Variants in INPP4B observed in about 807,000 individuals in gnomAD.
INPP4B encodes the protein inositol polyphosphate 4-phosphatase type II.
A neutral mutation model predicts 122.5 loss-of-function variants in INPP4B; 55 were observed. The observed-to-expected ratio is 0.45, with a 90% CI of 0.36 to 0.56. The LOEUF (loss-of-function observed/expected upper bound fraction) is 0.56. INPP4B is among the 20% of genes least tolerant of loss of function. INPP4B has a pLI of 0.00. For synonymous variants in INPP4B, 403 were observed against 388.7 expected (o/e 1.04, Z -0.43); for missense variants, 1,000 against 1,097.7 (o/e 0.91, Z 1.26).
At chr4:142,333,800 G>T (rs1373361683) in intron 7 of INPP4B, among the ~76,000 whole-genome samples, 1 of 152,026 alleles carries the variant, frequency 6.6e-6, no homozygotes, top group Admixed American at 6.5e-5. Context: ...TTTGATGTAT[G>T]TATACACTGT....
intron 1 of INPP4B, among the ~76,000 whole-genome samples, chr4:142,778,928 C>A (rs1774353393): frequency 6.6e-6 from 1 of 152,034 alleles, no homozygotes; most frequent in South Asian, 2.1e-4. Context: ...TACATACAAC[C>A]AGACAATTGA....
intron 1 of INPP4B, among the ~76,000 whole-genome samples, chr4:142,803,359 C>T (rs530406244): frequency 5.3e-4 from 80 of 151,756 alleles, no homozygotes; most frequent in Non-Finnish European, 4.3e-4. Flanking sequence ...CTCAGAAATG[C>T]TTTTTTATTA....
intron 5 of INPP4B, among the ~76,000 whole-genome samples, chr4:142,428,334 C>T (rs908373827): frequency 6.6e-6 from 1 of 150,534 alleles, no homozygotes; most frequent in Non-Finnish European, 1.5e-5. Flanking sequence ...TATGTGGTCT[C>T]TGTATACGAA....
chr4:142,591,494 A>G (rs2150248869), intron 2 of INPP4B, among the ~76,000 whole-genome samples: 1 of 152,294 alleles, frequency 6.6e-6, no homozygotes, highest in African/African-American at 2.4e-5. Context: ...AGAAAGGGCA[A>G]ATCTTCAGTA....
At chr4:142,268,882 T>C (rs1163139538) in intron 10 of INPP4B, among the ~76,000 whole-genome samples, 1 of 152,126 alleles carries the variant, frequency 6.6e-6, no homozygotes, top group Non-Finnish European at 1.5e-5. Flanking sequence ...CCTTTGTTTT[T>C]TTCCCCCGAC....
At chr4:142,824,314 A>ATCTATCTCTATCTCTATC (rs151098085) in intron 1 of INPP4B, among the ~76,000 whole-genome samples, 5 of 150,620 alleles carry the variant, frequency 3.3e-5, no homozygotes, top group Admixed American at 6.6e-5. Flanking sequence ...CTGTCTATCT[A>ATCTATCTCTATCTCTATC]TCTATCTCTA....
intron 1 of INPP4B, among the ~76,000 whole-genome samples, chr4:142,805,201 T>A (rs1778530767): frequency 6.6e-6 from 1 of 152,178 alleles, no homozygotes; most frequent in South Asian, 2.1e-4. Context: ...GATGGCTAAA[T>A]CCTTAACATA....
At chr4:142,558,793 TAAAA>T (rs34151070) in intron 2 of INPP4B, among the ~76,000 whole-genome samples, 3,096 of 75,276 alleles carry the variant, frequency 0.041, 37 homozygotes, top group Non-Finnish European at 0.053. Flanking sequence ...AGACTCCCTC[TAAAA>T]AAAAAAAAAA....
intron 7 of INPP4B, among the ~76,000 whole-genome samples, chr4:142,323,388 T>C (rs1292286387): frequency 6.6e-6 from 1 of 152,078 alleles, no homozygotes; most frequent in African/African-American, 2.4e-5. Context: ...CAGGTCTTCA[T>C]TGCACCTAAA....
At chr4:142,389,187 T>C (rs1282430476) in intron 7 of INPP4B, among the ~76,000 whole-genome samples, 3 of 151,222 alleles carry the variant, frequency 2.0e-5, no homozygotes, top group South Asian at 2.1e-4. Context: ...GAGGTGGAGA[T>C]TGCAGTAAGA....
At chr4:142,523,764 G>C (rs948649966) in intron 2 of INPP4B, among the ~76,000 whole-genome samples, 1 of 147,556 alleles carries the variant, frequency 6.8e-6, no homozygotes, top group African/African-American at 2.5e-5. Flanking sequence ...CCACTAACTC[G>C]TCATCTAGCA....
At chr4:142,628,576 A>G (rs1217747543) in intron 2 of INPP4B, among the ~76,000 whole-genome samples, 1 of 151,384 alleles carries the variant, frequency 6.6e-6, no homozygotes, top group Non-Finnish European at 1.5e-5. Context: ...AAAAAAAAAA[A>G]AAAAGAATTG....
chr4:142,786,605 G>A (rs527692259), intron 1 of INPP4B, among the ~76,000 whole-genome samples: 76 of 152,132 alleles, frequency 5.0e-4, no homozygotes, highest in South Asian at 2.5e-3. Flanking sequence ...AAAAGTAACT[G>A]TACAGTGAAG....
At chr4:142,153,645 A>ATC (rs1815587631) in intron 17 of INPP4B, among the ~76,000 whole-genome samples, 1 of 152,236 alleles carries the variant, frequency 6.6e-6, no homozygotes, top group South Asian at 2.1e-4. Flanking sequence ...TTACATTAAT[A>ATC]GAAGTAAAAT....
chr4:142,076,045 T>C (rs1770508668), intron 25 of INPP4B, among the ~76,000 whole-genome samples: 4 of 152,054 alleles, frequency 2.6e-5, no homozygotes, highest in Admixed American at 2.6e-4. Flanking sequence ...AGTGGTTGAC[T>C]TGGGAAGGTG....
intron 2 of INPP4B, among the ~76,000 whole-genome samples, chr4:142,603,406 A>G (rs959126896): frequency 1.6e-4 from 24 of 152,156 alleles, no homozygotes; most frequent in Admixed American, 6.6e-4. Context: ...AAAAAGAAAA[A>G]AAATACTAAG....
chr4:142,184,283 C>T (rs985870636), intron 15 of INPP4B, among the ~76,000 whole-genome samples: 53 of 152,252 alleles, frequency 3.5e-4, no homozygotes, highest in Admixed American at 1.3e-3. Context: ...AGTTAGCCAT[C>T]TTTATATAAA....
rs1560782260 is a variant in INPP4B, at chr4:142,545,759, GTATA to G, written c.-190-83037_-190-83034del. Among the ~76,000 whole-genome samples the G allele has an allele frequency of 2.4e-3, 170 of 70,728 alleles. 1 individual carries two copies. The highest frequency in any genetic ancestry group is 7.7e-3 in the African/African-American group (165 of 21,430). 46.4% of individuals were successfully genotyped at this position (70,728 alleles called of 152,430 possible). A position where few individuals can be genotyped will look rare whatever the true frequency, so the allele number is the denominator to read the frequency against. On this transcript the variant is annotated intron_variant, in intron 2 of 25. Transcript: ENST00000262992. ...CATATATGTGTATATATATACACAT[GTATA>G]TGTGTGTATATATATACACATATAT...
chr4:142,148,909 G>A (rs1044773488), intron 17 of INPP4B, among the ~76,000 whole-genome samples: 5 of 152,196 alleles, frequency 3.3e-5, no homozygotes, highest in African/African-American at 1.2e-4. Context: ...AAATTGAGCA[G>A]TCTCTTCTGT....
Sources: allele counts gnomAD v4.1 joint callset (sites outside exome capture counted in the v4.1 genomes callset), GRCh38; gene constraint gnomAD v4.1.1; transcripts MANE v1.5; gene names NCBI Gene and HGNC (gene_info 2026-07-23, HGNC 2026-07-21).